Variants in SWAP70 observed in about 807,000 individuals in gnomAD.
The protein encoded by SWAP70 is switch-associated protein 70.
SWAP70 carries 34 observed loss-of-function variants against 80.2 expected under a neutral mutation model. The observed-to-expected ratio is 0.42, with a 90% CI of 0.32 to 0.56. The LOEUF (loss-of-function observed/expected upper bound fraction) is 0.56. Among genes scored for constraint, SWAP70 ranks in the 20% least tolerant of loss-of-function variants. The pLI is 0.09. For synonymous variants in SWAP70, 239 were observed against 238.5 expected (o/e 1.00, Z -0.02); for missense variants, 578 against 690.7 (o/e 0.84, Z 1.83).
intron 1 of SWAP70, 43 bp from the exon 2 acceptor site, chr11:9,694,103 C>G: frequency 6.5e-7 from 1 of 1,536,734 alleles, no homozygotes; most frequent in Admixed American, 2.0e-5. Context: ...GTGTCATGTG[C>G]TGGTTAGTGG....
Position 9,751,872 on chromosome 11 carries a change from G to A in SWAP70, c.*1902G>A, listed in dbSNP as rs1590054020. Reference sequence around the variant, plus strand: ...ATTGTCTAAAATATTTTTGTATCATGTGCCTTTGAAATTTGACAGCTGATT... The same window carrying A: ...ATTGTCTAAAATATTTTTGTATCATATGCCTTTGAAATTTGACAGCTGATT... On this transcript the variant is annotated 3_prime_UTR_variant, in exon 12 of 12. Coordinates refer to ENST00000318950, the MANE Select transcript of SWAP70 (RefSeq NM_015055.4). The A allele has an allele frequency of 6.6e-6, 1 of 152,150 alleles. No homozygotes were observed. The highest frequency in any genetic ancestry group is 2.4e-5 in the African/African-American group (1 of 41,424). The allele number at this position is 152,150 out of a possible 1,614,324, so 9.4% of individuals were successfully genotyped here.
At chr11:9,669,079 T>C (rs544161830) in intron 1 of SWAP70, among the ~76,000 whole-genome samples, 1 of 152,278 alleles carries the variant, frequency 6.6e-6, no homozygotes, top group Admixed American at 6.5e-5. Context: ...GGGTTAAAGA[T>C]ACTGAGTGTG....
At chr11:9,704,360 TC>T (rs1850872363) in intron 2 of SWAP70, among the ~76,000 whole-genome samples, 1 of 145,006 alleles carries the variant, frequency 6.9e-6, no homozygotes, top group African/African-American at 2.6e-5. Context: ...AGGACCTGCA[TC>T]TTCCCTCTTT....
chr11:9,678,851 C>T (rs1415964665), intron 1 of SWAP70, among the ~76,000 whole-genome samples: 2 of 152,208 alleles, frequency 1.3e-5, no homozygotes, highest in Middle Eastern at 3.4e-3. Flanking sequence ...TTCCTTAGTC[C>T]CTCTTAGGCA....
rs147896449 is a variant in SWAP70, at chr11:9,747,676, A to G, written c.1356-182A>G. On this transcript the variant is annotated intron_variant, in intron 9 of 11. Transcript: ENST00000318950. Reference sequence around the variant, plus strand: ...AAACTGAGAGAGCTTAGAGCAGGACATATAGGCTGCTTTACCAGCTTTGTG... The same window carrying G: ...AAACTGAGAGAGCTTAGAGCAGGACGTATAGGCTGCTTTACCAGCTTTGTG... Among the ~76,000 whole-genome samples the G allele has an allele frequency of 7.2e-5, 11 of 152,400 alleles. No homozygotes were observed. The East Asian group carries it at 2.1e-3, about 29-fold the overall frequency.
At chr11:9,709,332 T>A (rs1442857834) in intron 2 of SWAP70, among the ~76,000 whole-genome samples, 3 of 152,080 alleles carry the variant, frequency 2.0e-5, no homozygotes, top group Non-Finnish European at 4.4e-5. Context: ...TGTCGCTATA[T>A]TGCCTATATT....
intron 9 of SWAP70, among the ~76,000 whole-genome samples, chr11:9,744,666 G>A (rs1851488088): frequency 6.6e-6 from 1 of 152,122 alleles, no homozygotes; most frequent in Non-Finnish European, 1.5e-5. Flanking sequence ...CCAGCACTTT[G>A]GGAGGCTGAG....
Position 9,723,295 on chromosome 11 carries a change from A to G in SWAP70, c.415-1363A>G, listed in dbSNP as rs372337738. On this transcript the variant is annotated intron_variant, in intron 3 of 11. Coordinates refer to ENST00000318950, the MANE Select transcript of SWAP70 (RefSeq NM_015055.4). ...TATTTTCACTGCAACCCATAGGAAG[A>G]TAAACATTTTATATCATGACCCAGC... is the stretch of plus-strand genomic sequence containing the variant. Among the ~76,000 whole-genome samples the G allele has an allele frequency of 2.8e-4, 42 of 152,350 alleles. 1 individual carries two copies. The South Asian group carries it at 5.6e-3, about 20-fold the overall frequency.
chr11:9,734,621 C>T (rs540063362), intron 7 of SWAP70, among the ~76,000 whole-genome samples: 221 of 152,184 alleles, frequency 1.5e-3, no homozygotes, highest in Non-Finnish European at 2.6e-3. Context: ...TAGAAAAAAA[C>T]AGCTTAGATG....
chr11:9,690,603 G>A (rs1850686476), intron 1 of SWAP70, among the ~76,000 whole-genome samples: 1 of 151,900 alleles, frequency 6.6e-6, no homozygotes, highest in African/African-American at 2.4e-5. Context: ...AAACCTTGTT[G>A]AGACTGGGCA....
intron 3 of SWAP70, among the ~76,000 whole-genome samples, chr11:9,722,560 A>G (rs976609541): frequency 6.6e-6 from 1 of 152,306 alleles, no homozygotes; most frequent in Admixed American, 6.5e-5. Flanking sequence ...TTCATTTCTA[A>G]CAAGCTTCCA....
At chr11:9,691,464 A>G (rs1850696844) in intron 1 of SWAP70, among the ~76,000 whole-genome samples, 1 of 152,226 alleles carries the variant, frequency 6.6e-6, no homozygotes, top group Non-Finnish European at 1.5e-5. Flanking sequence ...GATGGTTAAG[A>G]AAATTATCAC....
At chr11:9,671,739 C>CTATTTATAA (rs1850405683) in intron 1 of SWAP70, among the ~76,000 whole-genome samples, 1 of 43,984 alleles carries the variant, frequency 2.3e-5, no homozygotes, top group African/African-American at 8.1e-5. Flanking sequence ...TCTATGTATA[C>CTATTTATAA]ATAGAAATAT....
rs779758525 is a variant in SWAP70 at position 9,694,290 on chromosome 11, T to C, written c.240+4T>C. ...AAACAGGTTCATTTTGGAAAAGGTA[T>C]GATTCTAACCTTTTTTTGGGTGTAG... On this transcript the variant is annotated splice_donor_region_variant and intron_variant, in intron 2 of 11. Coordinates refer to ENST00000318950, the MANE Select transcript of SWAP70 (RefSeq NM_015055.4). 108 of 1,609,556 alleles carry C rather than the reference T, an allele frequency of 6.7e-5. No homozygotes were observed. The highest frequency in any genetic ancestry group is 8.7e-5 in the Non-Finnish European group (103 of 1,178,114).
intron 1 of SWAP70, among the ~76,000 whole-genome samples, chr11:9,686,539 G>A (rs1016254013): frequency 2.6e-5 from 4 of 151,766 alleles, no homozygotes; most frequent in Admixed American, 6.6e-5. Flanking sequence ...TGTAGAGATA[G>A]GGTCTTACTT....
At chr11:9,703,390 C>T (rs1370786502) in intron 2 of SWAP70, 3 of 456,252 alleles carry the variant, frequency 6.6e-6, no homozygotes, top group South Asian at 4.6e-5. Context: ...TCTCTCTGTT[C>T]CCCAGATTAC....
rs529289554 is a variant in SWAP70, at chr11:9,738,397, T to C, written c.1188+77T>C. 4.9e-6 allele frequency: 5 copies of C among 1,026,860 alleles called. No individual in the cohort carries two copies. In the Admixed American group the frequency reaches 1.6e-4, roughly 33 times the overall value. The allele number at this position is 1,026,860 out of a possible 1,614,324, so 63.6% of individuals were successfully genotyped here. The stretch of plus-strand genomic sequence containing the variant: ...GTGGGAACAGGGAAGGGCTGGAGGC[T>C]ACAGTGAGGCATGTCATCAGCTTGG... On this transcript the variant is annotated intron_variant, in intron 8 of 11. Transcript: ENST00000318950.
At chr11:9,732,855 C>G (rs1377727900) in intron 7 of SWAP70, 145 bp downstream of exon 7, 2 of 766,882 alleles carry the variant, frequency 2.6e-6, no homozygotes, top group African/African-American at 1.8e-5. Flanking sequence ...AGAAGTGTTT[C>G]CAGACCATCA....
At chr11:9,694,428 G>A in intron 2 of SWAP70, 142 bp downstream of exon 2, 2 of 982,562 alleles carry the variant, frequency 2.0e-6, no homozygotes, top group Middle Eastern at 3.4e-4. Flanking sequence ...GAAAGAATGA[G>A]AGACTGACAG....
Sources: gnomAD v4.1 joint callset for allele counts (sites outside exome capture counted in the v4.1 genomes callset) on GRCh38, gnomAD v4.1.1 for gene constraint, MANE v1.5 for transcripts, NCBI Gene and HGNC (gene_info 2026-07-23, HGNC 2026-07-21) for gene names.